RFXAP: variants seen among roughly 807,000 people sequenced by gnomAD.
RFXAP encodes the protein regulatory factor X associated protein.
A neutral mutation model predicts 25.7 loss-of-function variants in RFXAP; 21 were observed. That is an observed-to-expected ratio of 0.82 (90% CI 0.58 to 1.18). The LOEUF (loss-of-function observed/expected upper bound fraction) is 1.18, where lower values mean the gene tolerates loss of function less well. Among genes scored for constraint, RFXAP ranks in the 50% most tolerant of loss-of-function variants. The pLI is 0.00. For missense variants in RFXAP, 333 were observed against 363.0 expected, an observed-to-expected ratio of 0.92 and a Z score of 0.67; for synonymous variants, 161 against 152.2, an observed-to-expected ratio of 1.06 and a Z score of -0.43.
At chr13:36,825,354 A>T in intron 1 of RFXAP, 74 bp from the exon 2 acceptor site, 2 of 1,121,450 alleles carry the variant, frequency 1.8e-6, no homozygotes, top group Non-Finnish European at 2.7e-6. Context: ...TGTTCATTAC[A>T]TCTTTGAAAT....
At chr13:36,826,404 A>T (rs1204866786) in intron 2 of RFXAP, among the ~76,000 whole-genome samples, 1 of 152,128 alleles carries the variant, frequency 6.6e-6, no homozygotes, top group Non-Finnish European at 1.5e-5. Context: ...AAAATTATTT[A>T]AACGATTACG....
At chr13:36,827,564 C>A in intron 2 of RFXAP, 79 bp from the exon 3 acceptor site, 1 of 989,176 alleles carries the variant, frequency 1.0e-6, no homozygotes, top group Non-Finnish European at 1.6e-6. Context: ...TATGTAGGGA[C>A]ACATCAGAGT....
intron 2 of RFXAP, among the ~76,000 whole-genome samples, chr13:36,827,123 C>T (rs2057980597): frequency 6.6e-6 from 1 of 151,928 alleles, no homozygotes; most frequent in African/African-American, 2.4e-5. Flanking sequence ...TTGGTATATA[C>T]CGATATATAT....
rs985061791 is a variant in RFXAP at position 36,819,636 on chromosome 13, A to C, written c.279A>C (p.Leu93Phe). The change falls in exon 1 of 3, where the codon TTA (leucine) becomes TTC (phenylalanine). Residue 93 changes from leucine to phenylalanine, a missense_variant. Transcript: ENST00000255476. ...EEAGEDEADLLDTSDPPGGGE... is the reference protein window; with the variant it reads ...EEAGEDEADLFDTSDPPGGGE... ...CTGGGGAGGACGAGGCGGACCTGTTAGACACTTCGGACCCTCCGGGGGGAG... is the reference window on the plus strand; with the variant it reads ...CTGGGGAGGACGAGGCGGACCTGTTCGACACTTCGGACCCTCCGGGGGGAG... The C allele has an allele frequency of 1.7e-5, 26 of 1,546,756 alleles. No homozygotes were observed. The highest frequency in any genetic ancestry group is 2.1e-5 in the Non-Finnish European group (24 of 1,143,724).
rs1392476622 is a variant in RFXAP at position 36,819,347 on chromosome 13, G to T, written c.-11G>T. On this transcript the variant is annotated 5_prime_UTR_variant, in exon 1 of 3. Coordinates refer to ENST00000255476, the MANE Select transcript of RFXAP (RefSeq NM_000538.4). The stretch of plus-strand genomic sequence containing the variant: ...GCCCGGGGTCGTGGACCCCGGCCAG[G>T]TCTTAGCAGCATGGAGGCGCAGGGT... The T allele has an allele frequency of 4.4e-5, 56 of 1,262,612 alleles. No individual in the cohort carries two copies. The highest frequency in any genetic ancestry group is 5.4e-5 in the Non-Finnish European group (54 of 1,002,922). The allele number at this position is 1,262,612 out of a possible 1,614,324, so 78.2% of individuals were successfully genotyped here.
At chr13:36,826,773 T>A (rs2057979141) in intron 2 of RFXAP, among the ~76,000 whole-genome samples, 1 of 152,228 alleles carries the variant, frequency 6.6e-6, no homozygotes, top group Non-Finnish European at 1.5e-5. Context: ...AAAGTCAGTA[T>A]TTAATGATAG....
At chr13:36,821,272 C>G (rs1684129825) in intron 1 of RFXAP, among the ~76,000 whole-genome samples, 1 of 149,478 alleles carries the variant, frequency 6.7e-6, no homozygotes, top group African/African-American at 2.5e-5. Flanking sequence ...GTCTTAGGGT[C>G]CTAGGATGTA....
At position 36,819,277 on chromosome 13, in the gene RFXAP, A is replaced by C; in HGVS notation, c.-81A>C. ...GCGCCTTTTACCCCAGCGTGTCCTG[A>C]GTCTTTGGTTCGCGAAGTGCCGTTA... On this transcript the variant is annotated 5_prime_UTR_variant, in exon 1 of 3. Coordinates refer to ENST00000255476, the MANE Select transcript of RFXAP (RefSeq NM_000538.4). 1 of 1,182,450 alleles carries C rather than the reference A, an allele frequency of 8.5e-7. No individual in the cohort carries two copies. The allele number at this position is 1,182,450 out of a possible 1,614,324, so 73.2% of individuals were successfully genotyped here. A position where few individuals can be genotyped will look rare whatever the true frequency, so the allele number is the denominator to read the frequency against.
intron 1 of RFXAP, among the ~76,000 whole-genome samples, chr13:36,823,881 T>C (rs992861293): frequency 7.2e-5 from 11 of 152,282 alleles, no homozygotes; most frequent in African/African-American, 1.4e-4. Context: ...AGTAGACTTA[T>C]ATGGCATGAT....
In RFXAP at chr13:36,819,324, C is replaced by A; in HGVS notation, c.-34C>A. Reference sequence around the variant, plus strand: ...GTTAGGCCAAGCAGGTGCTAAAAGCCCGGGGTCGTGGACCCCGGCCAGGTC... The same window carrying A: ...GTTAGGCCAAGCAGGTGCTAAAAGCACGGGGTCGTGGACCCCGGCCAGGTC... On this transcript the variant is annotated 5_prime_UTR_variant, in exon 1 of 3. Transcript: ENST00000255476. The A allele has an allele frequency of 1.6e-6, 2 of 1,251,468 alleles. No individual in the cohort carries two copies. Among genetic ancestry groups the A allele is most frequent in the Non-Finnish European group, 2.0e-6 (2 of 995,072 alleles). The allele number at this position is 1,251,468 out of a possible 1,614,324, so 77.5% of individuals were successfully genotyped here.
Position 36,819,500 on chromosome 13 carries a change from T to C in RFXAP, c.143T>C (p.Val48Ala), listed in dbSNP as rs1250012345. 1 of 1,552,554 alleles carries C rather than the reference T, an allele frequency of 6.4e-7. No individual in the cohort carries two copies. Among genetic ancestry groups the C allele is most frequent in the Non-Finnish European group, 8.7e-7 (1 of 1,148,514 alleles). Residue 48 changes from valine (V) to alanine (A), a missense_variant, in exon 1 of 3, where the codon GTG becomes GCG. Transcript: ENST00000255476. ...GCGGCCTCTCAATTCACCCTGCTAGTGATGCAACCCTGTGCTGGGCAGGAC... is the reference window on the plus strand; with the variant it reads ...GCGGCCTCTCAATTCACCCTGCTAGCGATGCAACCCTGTGCTGGGCAGGAC... The part of the protein sequence containing the change: ...AAAASQFTLL[V>A]MQPCAGQDEA...
Position 36,825,571 on chromosome 13 carries a change from TAAC to T in RFXAP, c.708+39_708+41del, listed in dbSNP as rs757168660. The stretch of plus-strand genomic sequence containing the variant: ...GTTTGTAAATCAGTTATAAATGTGT[TAAC>T]AAACGTTTGTTATAAATGGAACAAT... On this transcript the variant is annotated intron_variant, in intron 2 of 2. Coordinates refer to ENST00000255476, the MANE Select transcript of RFXAP (RefSeq NM_000538.4). The T allele has an allele frequency of 2.1e-6, 3 of 1,444,102 alleles. No homozygotes were observed. The South Asian group carries it at 3.4e-5, about 17-fold the overall frequency. 89.5% of individuals were successfully genotyped at this position (1,444,102 alleles called of 1,614,324 possible). A position where few individuals can be genotyped will look rare whatever the true frequency, so the allele number is the denominator to read the frequency against.
In RFXAP at chr13:36,827,811, T is replaced by C; in HGVS notation, c.*58T>C. 5 of 1,328,580 alleles carry C rather than the reference T, an allele frequency of 3.8e-6. No individual in the cohort carries two copies. The highest frequency in any genetic ancestry group is 5.4e-6 in the Non-Finnish European group (5 of 924,900). The allele number at this position is 1,328,580 out of a possible 1,614,324, so 82.3% of individuals were successfully genotyped here. ...TATCTTATTGTAATAGATGAGCATA[T>C]TTTTTTACCAGACATAAATGGGGTA... On this transcript the variant is annotated 3_prime_UTR_variant, in exon 3 of 3. Coordinates refer to ENST00000255476, the MANE Select transcript of RFXAP (RefSeq NM_000538.4).
At chr13:36,822,162 C>G (rs1419748535) in intron 1 of RFXAP, among the ~76,000 whole-genome samples, 1 of 151,646 alleles carries the variant, frequency 6.6e-6, no homozygotes, top group Non-Finnish European at 1.5e-5. Flanking sequence ...GCGATCTCGG[C>G]CCACTACAAC....
chr13:36,825,257 A>C (rs1248560523), intron 1 of RFXAP, among the ~76,000 whole-genome samples, 171 bp from the exon 2 acceptor site: 1 of 152,214 alleles, frequency 6.6e-6, no homozygotes, highest in Non-Finnish European at 1.5e-5. Context: ...ACATTAAATT[A>C]ACTGCCAATA....
At position 36,819,520 on chromosome 13, in the gene RFXAP, C is replaced by G; in HGVS notation, c.163C>G (p.Gln55Glu). Residue 55 changes from glutamine to glutamate, a missense_variant, in exon 1 of 3, where the codon CAG (glutamine) becomes GAG (glutamate). Gln to Glu is a conservative substitution (Grantham distance 29, BLOSUM62 2). Coordinates refer to ENST00000255476, the MANE Select transcript of RFXAP (RefSeq NM_000538.4). ...GCTAGTGATGCAACCCTGTGCTGGGCAGGACGAGGCTGCGGCCCCCGGGGG... is the reference window on the plus strand; with the variant it reads ...GCTAGTGATGCAACCCTGTGCTGGGGAGGACGAGGCTGCGGCCCCCGGGGG... ...TLLVMQPCAG[Q>E]DEAAAPGGSV... The G allele has an allele frequency of 6.5e-7, 1 of 1,532,966 alleles. No homozygotes were observed. Among genetic ancestry groups the G allele is most frequent in the East Asian group, 2.4e-5 (1 of 41,606 alleles). The allele number at this position is 1,532,966 out of a possible 1,614,324, so 95.0% of individuals were successfully genotyped here. A position where few individuals can be genotyped will look rare whatever the true frequency, so the allele number is the denominator to read the frequency against.
At chr13:36,825,708 TGAG>T (rs2057976106) in intron 2 of RFXAP, among the ~76,000 whole-genome samples, 173 bp downstream of exon 2, 1 of 152,164 alleles carries the variant, frequency 6.6e-6, no homozygotes, top group South Asian at 2.1e-4. Context: ...AAAAATGTAA[TGAG>T]ATTTTTTTTA....
At position 36,828,358 on chromosome 13, in the gene RFXAP, G is replaced by T. The variant is rs2057985168; in HGVS notation, c.*605G>T. 6.6e-6 allele frequency: 1 copy of T among 152,420 alleles called. No individual in the cohort carries two copies. The highest frequency in any genetic ancestry group is 2.4e-5 in the African/African-American group (1 of 41,464). 9.4% of individuals were successfully genotyped at this position (152,420 alleles called of 1,614,324 possible). On this transcript the variant is annotated 3_prime_UTR_variant, in exon 3 of 3. Transcript: ENST00000255476. ...CAGTTAAGACTGAAGCTGTCAAAGA[G>T]GTAAGCACATTTTATATAGACGTAA...
intron 1 of RFXAP, 58 bp downstream of exon 1, chr13:36,820,015 C>T (rs2057957026): frequency 1.3e-6 from 2 of 1,589,460 alleles, no homozygotes; most frequent in African/African-American, 1.3e-5. Context: ...CCGATCTTAA[C>T]GCAAACCGCA....
Sources: allele counts gnomAD v4.1 joint callset (sites outside exome capture counted in the v4.1 genomes callset), GRCh38; gene constraint gnomAD v4.1.1; transcripts MANE v1.5; gene names NCBI Gene and HGNC (gene_info 2026-07-23, HGNC 2026-07-21).